Variants in PKNOX2 observed in about 807,000 individuals in gnomAD.
PKNOX2 encodes the protein PBX/knotted 1 homeobox 2.
Under a neutral mutation model 53.1 loss-of-function variants are expected in PKNOX2, and 14 were observed. That is an observed-to-expected ratio of 0.26 (90% CI 0.17 to 0.41). The LOEUF is 0.41. Among genes scored for constraint, PKNOX2 ranks in the 10% least tolerant of loss-of-function variants. The pLI, the probability that PKNOX2 is intolerant of heterozygous loss-of-function variation, is 1.00. For missense variants in PKNOX2, 496 were observed against 602.8 expected (o/e 0.82, Z 1.85); for synonymous variants, 257 against 242.8 (o/e 1.06, Z -0.54).
At chr11:125,259,388 CT>C (rs1475215337) in intron 2 of PKNOX2, among the ~76,000 whole-genome samples, 3 of 152,118 alleles carry the variant, frequency 2.0e-5, no homozygotes, top group Non-Finnish European at 4.4e-5. Flanking sequence ...TTTTTTTATT[CT>C]GTAATAAGTG....
At chr11:125,271,007 G>A (rs1945753303) in intron 2 of PKNOX2, among the ~76,000 whole-genome samples, 1 of 152,102 alleles carries the variant, frequency 6.6e-6, no homozygotes, top group Admixed American at 6.5e-5. Context: ...TGCCTTGGGG[G>A]GTGACACAAG....
intron 2 of PKNOX2, among the ~76,000 whole-genome samples, chr11:125,243,896 G>C (rs199686627): frequency 1.3e-5 from 2 of 152,094 alleles, no homozygotes; most frequent in Non-Finnish European, 2.9e-5. Context: ...TGCTGGGATT[G>C]CAGGCGTGAG....
chr11:125,396,789 C>T (rs530139042), intron 6 of PKNOX2, among the ~76,000 whole-genome samples: 1 of 152,280 alleles, frequency 6.6e-6, no homozygotes, highest in Admixed American at 6.5e-5. Flanking sequence ...CATATGTGTT[C>T]GTGCTGAAGA....
At chr11:125,199,577 C>A (rs748121401) in intron 1 of PKNOX2, among the ~76,000 whole-genome samples, 12 of 152,238 alleles carry the variant, frequency 7.9e-5, no homozygotes, top group African/African-American at 1.4e-4. Flanking sequence ...GGTGCTGTGG[C>A]TCACACCTGT....
intron 2 of PKNOX2, among the ~76,000 whole-genome samples, chr11:125,255,772 T>G (rs1434300095): frequency 6.6e-6 from 1 of 151,968 alleles, no homozygotes. Context: ...CCCTGCCAAA[T>G]GAGCAGGGTT....
intron 2 of PKNOX2, chr11:125,330,487 A>G (rs763912814): frequency 5.3e-5 from 8 of 152,102 alleles, no homozygotes; most frequent in Non-Finnish European, 8.8e-5. Context: ...CTGGGGTGCA[A>G]AGAAGGGAGG....
chr11:125,214,091 C>T (rs774650448), intron 1 of PKNOX2, among the ~76,000 whole-genome samples: 7 of 152,058 alleles, frequency 4.6e-5, no homozygotes, highest in Non-Finnish European at 8.8e-5. Context: ...ATGTCACTTG[C>T]CCAAGATCAC....
At chr11:125,395,146 C>T (rs375725042) in intron 6 of PKNOX2, among the ~76,000 whole-genome samples, 10 of 152,192 alleles carry the variant, frequency 6.6e-5, no homozygotes, top group East Asian at 5.8e-4. Context: ...ATTTCAAAAA[C>T]GTTTTGTAAA....
chr11:125,382,456 C>A (rs897853009), intron 5 of PKNOX2, among the ~76,000 whole-genome samples: 2 of 152,192 alleles, frequency 1.3e-5, no homozygotes, highest in African/African-American at 4.8e-5. Context: ...CACGATGCTG[C>A]GGATTATTAG....
rs1956698132 is a variant in PKNOX2, at chr11:125,431,409, G to T, written c.*17G>T. 9 of 1,511,856 alleles carry T rather than the reference G, an allele frequency of 6.0e-6. No individual in the cohort carries two copies. The East Asian group carries it at 1.9e-4, about 32-fold the overall frequency. The allele number at this position is 1,511,856 out of a possible 1,614,324, so 93.7% of individuals were successfully genotyped here. ...CTGGAGTAGTCGGGCAGCCCAGATG[G>T]CACTGATCACTGAGCAGGAGAGGAG... On this transcript the variant is annotated 3_prime_UTR_variant, in exon 13 of 13. Transcript: ENST00000298282.
chr11:125,173,537 C>T (rs1955478197), intron 1 of PKNOX2, among the ~76,000 whole-genome samples: 1 of 152,260 alleles, frequency 6.6e-6, no homozygotes, highest in South Asian at 2.1e-4. Flanking sequence ...CAGCTAAACT[C>T]ATCTCCTCCA....
intron 5 of PKNOX2, among the ~76,000 whole-genome samples, chr11:125,376,607 T>A (rs1202086846): frequency 6.6e-6 from 1 of 152,204 alleles, no homozygotes; most frequent in African/African-American, 2.4e-5. Flanking sequence ...ATGGATGGAT[T>A]CTGAGCCTGA....
intron 2 of PKNOX2, among the ~76,000 whole-genome samples, chr11:125,311,161 A>G (rs1441448301): frequency 2.0e-5 from 3 of 152,124 alleles, no homozygotes; most frequent in African/African-American, 7.2e-5. Context: ...CATCTTTTGT[A>G]CATGTACTTT....
chr11:125,316,027 C>T (rs930056742), intron 2 of PKNOX2, among the ~76,000 whole-genome samples: 10 of 152,170 alleles, frequency 6.6e-5, no homozygotes, highest in African/African-American at 1.9e-4. Flanking sequence ...GATGTCCATA[C>T]GTAAGAGGAC....
chr11:125,348,178 G>A (rs896481686), intron 3 of PKNOX2, among the ~76,000 whole-genome samples: 3 of 152,184 alleles, frequency 2.0e-5, no homozygotes, highest in East Asian at 1.9e-4. Context: ...CAGATAAGGC[G>A]AGTCAGATCC....
intron 2 of PKNOX2, among the ~76,000 whole-genome samples, chr11:125,268,722 G>A (rs1234263145): frequency 6.6e-6 from 1 of 151,310 alleles, no homozygotes; most frequent in Non-Finnish European, 1.5e-5. Context: ...CTTGTTTCAA[G>A]AAGACATCAG....
chr11:125,342,485 T>C (rs940502404), intron 3 of PKNOX2, among the ~76,000 whole-genome samples: 18 of 152,012 alleles, frequency 1.2e-4, no homozygotes, highest in Non-Finnish European at 5.9e-5. Flanking sequence ...AAGAGAGACT[T>C]ATGAAAGGGT....
intron 2 of PKNOX2, among the ~76,000 whole-genome samples, chr11:125,320,570 A>G (rs1949462693): frequency 6.6e-6 from 1 of 152,162 alleles, no homozygotes. Flanking sequence ...ACAAGCCTGC[A>G]ACCTCCATTG....
chr11:125,400,860 A>G (rs1418908885), intron 7 of PKNOX2, among the ~76,000 whole-genome samples: 1 of 152,086 alleles, frequency 6.6e-6, no homozygotes, highest in Non-Finnish European at 1.5e-5. Context: ...CAGAGACAGT[A>G]TTTTACATGT....
Sources: allele counts gnomAD v4.1 joint callset (sites outside exome capture counted in the v4.1 genomes callset), GRCh38; gene constraint gnomAD v4.1.1; transcripts MANE v1.5; gene names NCBI Gene and HGNC (gene_info 2026-07-23, HGNC 2026-07-21).